SMAD4: variants seen among roughly 807,000 people sequenced by gnomAD.
SMAD4 encodes the protein SMAD family member 4.
In SMAD4, 7 loss-of-function variants were observed where a neutral mutation model predicts 63.2. That is an observed-to-expected ratio of 0.11 (90% CI 0.06 to 0.21). The LOEUF is 0.21. Among genes scored for constraint, SMAD4 ranks in the 10% least tolerant of loss-of-function variants. The pLI is 1.00. For missense variants in SMAD4, 312 were observed against 693.8 expected, an observed-to-expected ratio of 0.45 and a Z score of 6.18; for synonymous variants, 215 against 235.4, an observed-to-expected ratio of 0.91 and a Z score of 0.79.
intron 10 of SMAD4, among the ~76,000 whole-genome samples, chr18:51,072,184 A>G (rs1203854270): frequency 1.3e-5 from 2 of 152,226 alleles, no homozygotes; most frequent in African/African-American, 2.4e-5. Context: ...GTTTTACAAA[A>G]TGGCTGCACC....
chr18:51,064,451 A>G (rs879487065), intron 8 of SMAD4, among the ~76,000 whole-genome samples: 3 of 152,050 alleles, frequency 2.0e-5, no homozygotes, highest in Non-Finnish European at 2.9e-5. Flanking sequence ...CCTCTGTGAG[A>G]ACAGGGACTG....
At chr18:51,050,088 T>G (rs1159552145) in intron 4 of SMAD4, among the ~76,000 whole-genome samples, 1 of 152,220 alleles carries the variant, frequency 6.6e-6, no homozygotes, top group East Asian at 1.9e-4. Flanking sequence ...CCAGGCACGG[T>G]GGTTCACACC....
At chr18:51,066,609 A>G (rs1327345085) in intron 9 of SMAD4, among the ~76,000 whole-genome samples, 1 of 152,236 alleles carries the variant, frequency 6.6e-6, no homozygotes, top group Non-Finnish European at 1.5e-5. Flanking sequence ...GCCACATGTA[A>G]CTATTGAGCA....
At position 51,084,814 on chromosome 18, in the gene SMAD4, A is replaced by G. The variant is rs1210109887; in HGVS notation, c.*6347A>G. ...ACAGATTTGGTGGTGGTATTTCCCA[A>G]CTGTTTCCTCCCCTAAATTCAGAGG... On this transcript the variant is annotated 3_prime_UTR_variant, in exon 12 of 12. Coordinates refer to ENST00000342988, the MANE Select transcript of SMAD4 (RefSeq NM_005359.6). 7 of 229,556 alleles carry G rather than the reference A, an allele frequency of 3.0e-5. No individual in the cohort carries two copies. The highest frequency in any genetic ancestry group is 5.2e-5 in the Non-Finnish European group (6 of 115,820). 14.2% of individuals were successfully genotyped at this position (229,556 alleles called of 1,614,324 possible).
At position 51,080,589 on chromosome 18, in the gene SMAD4, A is replaced by C. The variant is rs149424787; in HGVS notation, c.*2122A>C. 5.4e-6 allele frequency: 1 copy of C among 186,110 alleles called. No homozygotes were observed. The highest frequency in any genetic ancestry group is 1.1e-5 in the Non-Finnish European group (1 of 88,018). 11.5% of individuals were successfully genotyped at this position (186,110 alleles called of 1,614,324 possible). ...TGGAGTCTTGCTGTGTTGCCCAGGC[A>C]GGAGTGCAGTGGTATGATCTCAGCT... On this transcript the variant is annotated 3_prime_UTR_variant, in exon 12 of 12. Transcript: ENST00000342988.
intron 4 of SMAD4, chr18:51,051,442 A>G (rs1909709326): frequency 2.2e-6 from 1 of 453,266 alleles, no homozygotes. Context: ...AAAATGGGAC[A>G]GTTCCTTCAT....
intron 1 of SMAD4, among the ~76,000 whole-genome samples, chr18:51,032,003 T>C (rs1053130651): frequency 6.6e-6 from 1 of 152,228 alleles, no homozygotes; most frequent in African/African-American, 2.4e-5. Context: ...TTTTTAAAAT[T>C]AGTGTTTCTT....
intron 3 of SMAD4, 87 bp from the exon 4 acceptor site, chr18:51,049,208 T>C: frequency 9.3e-7 from 1 of 1,072,062 alleles, no homozygotes. Context: ...AATCTTTGGT[T>C]TAAATTTACA....
At chr18:51,033,860 C>G (rs1909122397) in intron 1 of SMAD4, among the ~76,000 whole-genome samples, 2 of 152,138 alleles carry the variant, frequency 1.3e-5, no homozygotes, top group South Asian at 2.1e-4. Context: ...TGAATGAAAA[C>G]TAGGGTAGTG....
chr18:51,070,326 C>T (rs1324718907), intron 10 of SMAD4, among the ~76,000 whole-genome samples: 1 of 152,086 alleles, frequency 6.6e-6, no homozygotes, highest in Non-Finnish European at 1.5e-5. Flanking sequence ...TGAAAAGCCC[C>T]CAAGGTGTGA....
At position 51,033,154 on chromosome 18, in the gene SMAD4, C is replaced by T. The variant is rs116347481; in HGVS notation, c.-128+2531C>T. ...ACTAAAATGTTTTCATTGTTTTCTA[C>T]AGTTAAAGGACTTACACCAGCATAA... On this transcript the variant is annotated intron_variant, in intron 1 of 11. Transcript: ENST00000342988. Among the ~76,000 whole-genome samples, 970 of 149,908 alleles carry T rather than the reference C, an allele frequency of 6.5e-3. 13 individuals are homozygous for T. Among genetic ancestry groups the T allele is most frequent in the African/African-American group, 0.022 (892 of 40,862 alleles).
chr18:51,047,456 A>G (rs569287978), intron 2 of SMAD4, among the ~76,000 whole-genome samples, 161 bp downstream of exon 2: 116 of 152,364 alleles, frequency 7.6e-4, no homozygotes, highest in Non-Finnish European at 1.3e-3. Context: ...CTGGAAGAAT[A>G]TGCAAAAGAT....
chr18:51,035,772 AGTAGTTCCCAAGTGCTGG>A (rs1208088594), intron 1 of SMAD4, among the ~76,000 whole-genome samples: 10 of 152,296 alleles, frequency 6.6e-5, no homozygotes, highest in African/African-American at 2.2e-4. Context: ...CATCACCTGA[AGTAGTTCCCAAGTGCTGG>A]GCTATGGAGT....
intron 1 of SMAD4, among the ~76,000 whole-genome samples, chr18:51,046,352 A>G (rs1022517535): frequency 1.3e-5 from 2 of 151,772 alleles, no homozygotes; most frequent in South Asian, 2.1e-4. Flanking sequence ...CATAATGTCT[A>G]ATGTCGAGCA....
At chr18:51,049,176 G>T in intron 3 of SMAD4, 119 bp from the exon 4 acceptor site, 1 of 781,350 alleles carries the variant, frequency 1.3e-6, no homozygotes, top group South Asian at 1.6e-5. Context: ...CTTCTGAATT[G>T]AAATGGTTCA....
At chr18:51,048,201 A>G (rs1384130724) in intron 2 of SMAD4, among the ~76,000 whole-genome samples, 1 of 152,126 alleles carries the variant, frequency 6.6e-6, no homozygotes, top group African/African-American at 2.4e-5. Context: ...CTTTTGCCCA[A>G]GCTGGAGTGC....
At chr18:51,060,456 A>G (rs1909977226) in intron 8 of SMAD4, among the ~76,000 whole-genome samples, 1 of 152,162 alleles carries the variant, frequency 6.6e-6, no homozygotes, top group Non-Finnish European at 1.5e-5. Flanking sequence ...TAAAATACTG[A>G]AAGTCCCTTG....
chr18:51,082,218 A>AT lies in SMAD4; in HGVS notation c.*3760dup, dbSNP rs202070730. ...GGGTACACTCAGCTTAAAGTAATGCATTTTTTTTTCCCGTAAAGGCAGAAT... is the reference window on the plus strand; with the variant it reads ...GGGTACACTCAGCTTAAAGTAATGCATTTTTTTTTTCCCGTAAAGGCAGAAT... On this transcript the variant is annotated 3_prime_UTR_variant, in exon 12 of 12. Coordinates refer to ENST00000342988, the MANE Select transcript of SMAD4 (RefSeq NM_005359.6). The AT allele has an allele frequency of 6.3e-3, 1,433 of 227,496 alleles. 6 individuals carry two copies. Among genetic ancestry groups the AT allele is most frequent in the Non-Finnish European group, 7.9e-3 (908 of 114,742 alleles). 14.1% of individuals were successfully genotyped at this position (227,496 alleles called of 1,614,324 possible).
At chr18:51,033,290 A>G (rs1006226114) in intron 1 of SMAD4, among the ~76,000 whole-genome samples, 1 of 151,614 alleles carries the variant, frequency 6.6e-6, no homozygotes, top group African/African-American at 2.4e-5. Context: ...TCCGGGTTCA[A>G]GCGATTCTCC....
Sources: allele counts gnomAD v4.1 joint callset (sites outside exome capture counted in the v4.1 genomes callset), GRCh38; gene constraint gnomAD v4.1.1; transcripts MANE v1.5; gene names NCBI Gene and HGNC (gene_info 2026-07-23, HGNC 2026-07-21).